SYNPR: variants seen among roughly 807,000 people sequenced by gnomAD.
SYNPR encodes synaptoporin.
A neutral mutation model predicts 32.9 loss-of-function variants in SYNPR; 23 were observed. The ratio of observed to expected loss-of-function variants is 0.70; its 90% CI spans 0.50 to 0.99. The LOEUF is 0.99. Ranked by LOEUF, SYNPR falls within the 50% of genes least tolerant of loss-of-function variation. The pLI is 0.00. For synonymous variants in SYNPR, 146 were observed against 135.9 expected, an observed-to-expected ratio of 1.07 and a Z score of -0.52; for missense variants, 318 against 349.3, an observed-to-expected ratio of 0.91 and a Z score of 0.71.
At chr3:63,496,109 T>C (rs1701368960) in intron 3 of SYNPR, among the ~76,000 whole-genome samples, 3 of 152,060 alleles carry the variant, frequency 2.0e-5, no homozygotes, top group African/African-American at 7.2e-5. Context: ...AGCCTAAAAC[T>C]GATATTTAAA....
intron 4 of SYNPR, among the ~76,000 whole-genome samples, chr3:63,571,494 G>T (rs1457699614): frequency 6.6e-6 from 1 of 151,996 alleles, no homozygotes; most frequent in East Asian, 1.9e-4. Context: ...TGATAAATAG[G>T]TAATCCGAAA....
chr3:63,350,948 A>G (rs575203651), intron 2 of SYNPR, among the ~76,000 whole-genome samples: 8 of 152,254 alleles, frequency 5.3e-5, no homozygotes, highest in South Asian at 2.1e-4. Flanking sequence ...TGTTTTACCA[A>G]TGAGGAATCT....
intron 2 of SYNPR, among the ~76,000 whole-genome samples, chr3:63,305,267 G>A (rs1018700017): frequency 4.6e-5 from 7 of 152,046 alleles, no homozygotes; most frequent in African/African-American, 1.7e-4. Flanking sequence ...CTGACAGCTT[G>A]ACTGCAATGT....
chr3:63,210,201 T>G, the SYNPR span, among the ~76,000 whole-genome samples: 1 of 152,338 alleles, frequency 6.6e-6, no homozygotes, highest in Middle Eastern at 3.4e-3. Flanking sequence ...CTTATATATC[T>G]TGGCCAGTAT....
At chr3:63,246,657 A>AT (rs1463989035) in intron 1 of SYNPR, among the ~76,000 whole-genome samples, 4 of 152,030 alleles carry the variant, frequency 2.6e-5, no homozygotes, top group Admixed American at 6.6e-5. Flanking sequence ...CCTTGTAGGT[A>AT]TTTGGAGGAA....
rs528764847 is a variant in SYNPR at position 63,258,582 on chromosome 3, G to A, written n.154+5996G>A. 1.0e-3 allele frequency among the ~76,000 whole-genome samples: 154 copies of A among 152,106 alleles called. 1 individual carries two copies. The highest frequency in any genetic ancestry group is 1.6e-3 in the Non-Finnish European group (107 of 67,998). On this transcript the variant is annotated intron_variant and non_coding_transcript_variant, in intron 2 of 4. Transcript: ENST00000478456. ...GGCATATTCAAAGCAGTGCGTAGAG[G>A]GAAATTTATAGCAGTAAATGCCCAC... is the stretch of plus-strand genomic sequence containing the variant.
In SYNPR at chr3:63,250,931, A is replaced by C. The variant is rs151092232; in HGVS notation, n.67-1568A>C. ...GCTGTTTTCTTTTTTTTAGCTATGGAAACTAGTATTTTGATAAAGACTTAA... is the reference window on the plus strand; with the variant it reads ...GCTGTTTTCTTTTTTTTAGCTATGGCAACTAGTATTTTGATAAAGACTTAA... On this transcript the variant is annotated intron_variant and non_coding_transcript_variant, in intron 1 of 4. Coordinates refer to the SYNPR transcript ENST00000478456. Among the ~76,000 whole-genome samples the C allele has an allele frequency of 1.6e-4, 24 of 152,210 alleles. No individual in the cohort carries two copies. The East Asian group carries it at 4.6e-3, about 29-fold the overall frequency.
At chr3:63,236,103 G>C (rs541978456) in intron 1 of SYNPR, among the ~76,000 whole-genome samples, 15 of 151,362 alleles carry the variant, frequency 9.9e-5, no homozygotes, top group African/African-American at 3.4e-4. Flanking sequence ...AATTAGTTTG[G>C]CACCATTTGT....
At chr3:63,371,422 G>A (rs2087811015) in intron 2 of SYNPR, among the ~76,000 whole-genome samples, 1 of 152,232 alleles carries the variant, frequency 6.6e-6, no homozygotes, top group Admixed American at 6.5e-5. Context: ...AATTTCATGA[G>A]GCTGAGCAGT....
intron 2 of SYNPR, among the ~76,000 whole-genome samples, chr3:63,311,202 T>C (rs1560187730): frequency 6.6e-6 from 1 of 151,948 alleles, no homozygotes. Context: ...ACAAATGAGA[T>C]GTAATATATT....
chr3:63,548,109 T>C (rs548423430), intron 3 of SYNPR, among the ~76,000 whole-genome samples: 2 of 152,186 alleles, frequency 1.3e-5, no homozygotes, highest in Non-Finnish European at 2.9e-5. Context: ...TCATTCCCCA[T>C]AGTTCATTGT....
chr3:63,211,775 T>C, the SYNPR span, among the ~76,000 whole-genome samples: 1 of 146,038 alleles, frequency 6.8e-6, no homozygotes, highest in Middle Eastern at 3.2e-3. Flanking sequence ...TAGTTACATA[T>C]GTATACATGT....
At chr3:63,305,749 A>G (rs1405138239) in intron 2 of SYNPR, among the ~76,000 whole-genome samples, 1 of 151,970 alleles carries the variant, frequency 6.6e-6, no homozygotes, top group Non-Finnish European at 1.5e-5. Context: ...CGCCCCTGTC[A>G]AATCGAGTTG....
chr3:63,425,004 T>A (rs988144423), intron 2 of SYNPR, among the ~76,000 whole-genome samples: 2 of 152,134 alleles, frequency 1.3e-5, no homozygotes, highest in African/African-American at 4.8e-5. Context: ...CCCAATCACA[T>A]TAGATCCATC....
At chr3:63,239,915 T>A (rs903254131) in intron 1 of SYNPR, among the ~76,000 whole-genome samples, 1 of 152,124 alleles carries the variant, frequency 6.6e-6, no homozygotes, top group Non-Finnish European at 1.5e-5. Flanking sequence ...GTCAAGCAAC[T>A]GTTTAACAAT....
At chr3:63,528,567 A>G (rs1404332122) in intron 3 of SYNPR, among the ~76,000 whole-genome samples, 1 of 152,134 alleles carries the variant, frequency 6.6e-6, no homozygotes, top group Non-Finnish European at 1.5e-5. Flanking sequence ...CTAACACTAA[A>G]ACGTGTTGTT....
intron 2 of SYNPR, among the ~76,000 whole-genome samples, chr3:63,428,748 T>A (rs1699934133): frequency 6.6e-6 from 1 of 152,208 alleles, no homozygotes; most frequent in East Asian, 1.9e-4. Context: ...TTCAGTGTCA[T>A]CCAGCAGGCT....
At chr3:63,225,811 TG>T (rs1255275947), upstream of SYNPR, among the ~76,000 whole-genome samples, 1 of 152,116 alleles carries the variant, frequency 6.6e-6, no homozygotes, top group African/African-American at 2.4e-5. Context: ...GGTGGGACTA[TG>T]TTAAACTAAA....
intron 3 of SYNPR, among the ~76,000 whole-genome samples, chr3:63,483,639 C>A (rs931028830): frequency 2.6e-5 from 4 of 152,048 alleles, no homozygotes; most frequent in Non-Finnish European, 5.9e-5. Context: ...AATGAGTCAT[C>A]CTATGGCTTC....
Sources: allele counts gnomAD v4.1 joint callset (sites outside exome capture counted in the v4.1 genomes callset), GRCh38; gene constraint gnomAD v4.1.1; transcripts MANE v1.5; gene names NCBI Gene and HGNC (gene_info 2026-07-23, HGNC 2026-07-21).